Variants in KMT5B observed in about 807,000 individuals in gnomAD.
The protein encoded by KMT5B is histone-lysine N-methyltransferase KMT5B.
KMT5B carries 10 observed loss-of-function variants against 83.2 expected under a neutral mutation model. The ratio of observed to expected loss-of-function variants is 0.12; its 90% CI spans 0.07 to 0.20. The LOEUF is 0.20. KMT5B is among the 10% of genes least tolerant of loss of function. The pLI, the probability that KMT5B is intolerant of heterozygous loss-of-function variation, is 1.00. For missense variants in KMT5B, 753 were observed against 1,067.2 expected, an observed-to-expected ratio of 0.71 and a Z score of 4.10; for synonymous variants, 349 against 388.8, an observed-to-expected ratio of 0.90 and a Z score of 1.20.
At chr11:68,207,368 C>T (rs1260687758) in intron 1 of KMT5B, among the ~76,000 whole-genome samples, 1 of 152,162 alleles carries the variant, frequency 6.6e-6, no homozygotes, top group African/African-American at 2.4e-5. Flanking sequence ...AAGATACAAA[C>T]ATCACTGCCC....
intron 10 of KMT5B, among the ~76,000 whole-genome samples, chr11:68,163,638 T>G (rs1855046985): frequency 6.6e-6 from 1 of 152,208 alleles, no homozygotes; most frequent in Non-Finnish European, 1.5e-5. Flanking sequence ...GGGCCACAGC[T>G]GAGCATCTCC....
intron 10 of KMT5B, among the ~76,000 whole-genome samples, chr11:68,161,588 C>G (rs1402062298): frequency 1.3e-5 from 2 of 152,214 alleles, no homozygotes; most frequent in African/African-American, 2.4e-5. Flanking sequence ...CTTTGGTGAT[C>G]TGACAACTTC....
intron 3 of KMT5B, among the ~76,000 whole-genome samples, chr11:68,183,434 T>C (rs1227097683): frequency 6.6e-6 from 1 of 152,116 alleles, no homozygotes; most frequent in Non-Finnish European, 1.5e-5. Flanking sequence ...CCCAGCTCAC[T>C]GCAACTTCCA....
At chr11:68,202,392 C>T (rs1859548505) in intron 1 of KMT5B, among the ~76,000 whole-genome samples, 1 of 152,200 alleles carries the variant, frequency 6.6e-6, no homozygotes, top group South Asian at 2.1e-4. Context: ...CACTGCTCCT[C>T]AGTCCCTGCC....
Position 68,159,104 on chromosome 11 carries a change from A to G in KMT5B, c.1242T>C (p.Ser414=). 3 of 1,601,568 alleles carry G rather than the reference A, an allele frequency of 1.9e-6. No individual in the cohort carries two copies. The highest frequency in any genetic ancestry group is 2.5e-6 in the Non-Finnish European group (3 of 1,177,072). Residue 414 remains serine (S), a synonymous_variant, in exon 11 of 11, where the codon TCT becomes TCC. Transcript: ENST00000304363. ...NSKSRTLTRQ[S]MSRIPASSNS... ...TGGAAGAAGCTGGAATTCTTGACAT[A>G]GATTGCCTCGTTAACGTTCTGCTCT...
Position 68,193,920 on chromosome 11 carries a change from C to T in KMT5B, c.-76-3768G>A, listed in dbSNP as rs575382478. On this transcript the variant is annotated intron_variant, in intron 1 of 10. Transcript: ENST00000304363. ...GGCTCAAGCAATCCTCCACCTCAGC[C>T]TCCCAAAGTGTTAGGATTACCAGCA... Among the ~76,000 whole-genome samples the T allele has an allele frequency of 8.6e-5, 13 of 151,692 alleles. No homozygotes were observed. The East Asian group carries it at 2.5e-3, about 29-fold the overall frequency.
rs61890515 is a variant in KMT5B, at chr11:68,211,277, C to T, written c.-77+1861G>A. Among the ~76,000 whole-genome samples, 884 of 152,274 alleles carry T rather than the reference C, an allele frequency of 5.8e-3. 5 individuals carry two copies. The highest frequency in any genetic ancestry group is 9.0e-3 in the Non-Finnish European group (611 of 68,028). On this transcript the variant is annotated intron_variant, in intron 1 of 10. Coordinates refer to ENST00000304363, the MANE Select transcript of KMT5B (RefSeq NM_017635.5). ...CCTCCACCTTCCCCACTACTGTCCCCTGGCATTTGCTGCGAGAATAAAAAG... is the reference window on the plus strand; with the variant it reads ...CCTCCACCTTCCCCACTACTGTCCCTTGGCATTTGCTGCGAGAATAAAAAG...
chr11:68,196,271 C>T (rs183307192), intron 1 of KMT5B, among the ~76,000 whole-genome samples: 17 of 152,086 alleles, frequency 1.1e-4, no homozygotes, highest in Admixed American at 6.6e-4. Flanking sequence ...TGCCTAATTC[C>T]TTAAGTCCCA....
intron 3 of KMT5B, among the ~76,000 whole-genome samples, chr11:68,182,114 G>C (rs1856992212): frequency 6.6e-6 from 1 of 152,224 alleles, no homozygotes; most frequent in African/African-American, 2.4e-5. Context: ...GGCACTGGGT[G>C]CATTTTAACT....
intron 3 of KMT5B, among the ~76,000 whole-genome samples, chr11:68,183,018 G>C (rs1331221996): frequency 6.6e-6 from 1 of 152,070 alleles, no homozygotes; most frequent in African/African-American, 2.4e-5. Context: ...TTACAGGCGT[G>C]AGCCACCGCA....
In KMT5B at chr11:68,156,309, T is replaced by C. The variant is rs1019818760; in HGVS notation, c.*1379A>G. The stretch of plus-strand genomic sequence containing the variant: ...TATTCCCAAATTCTCTGTCCAATGA[T>C]TTGCAAAATAATCCAGAGAAATGAA... On this transcript the variant is annotated 3_prime_UTR_variant, in exon 11 of 11. Coordinates refer to ENST00000304363, the MANE Select transcript of KMT5B (RefSeq NM_017635.5). 6.6e-6 allele frequency: 1 copy of C among 152,570 alleles called. No individual in the cohort carries two copies. Among genetic ancestry groups the C allele is most frequent in the African/African-American group, 2.4e-5 (1 of 41,420 alleles). 9.5% of individuals were successfully genotyped at this position (152,570 alleles called of 1,614,324 possible). A position where few individuals can be genotyped will look rare whatever the true frequency, so the allele number is the denominator to read the frequency against.
chr11:68,179,783 T>A, intron 4 of KMT5B: 1 of 489,236 alleles, frequency 2.0e-6, no homozygotes, highest in Non-Finnish European at 3.1e-6. Context: ...CCACAGTTTG[T>A]AGACGCTGAG....
intron 3 of KMT5B, among the ~76,000 whole-genome samples, chr11:68,182,212 A>AG (rs1857001200): frequency 6.6e-6 from 1 of 152,188 alleles, no homozygotes; most frequent in Non-Finnish European, 1.5e-5. Context: ...GTTTTACGTG[A>AG]GCCCTAGGAA....
intron 1 of KMT5B, among the ~76,000 whole-genome samples, chr11:68,200,741 A>C (rs1179014100): frequency 6.6e-6 from 1 of 152,236 alleles, no homozygotes; most frequent in Non-Finnish European, 1.5e-5. Context: ...AGTAATACAG[A>C]TGATCTGAGT....
At chr11:68,204,611 GT>G (rs34315868) in intron 1 of KMT5B, among the ~76,000 whole-genome samples, 1,161 of 106,080 alleles carry the variant, frequency 0.011, 11 homozygotes, top group African/African-American at 0.035. Flanking sequence ...TAAATTTCCG[GT>G]TTTTTTTTTT....
At chr11:68,208,669 G>C (rs551676399) in intron 1 of KMT5B, among the ~76,000 whole-genome samples, 3 of 152,186 alleles carry the variant, frequency 2.0e-5, no homozygotes, top group African/African-American at 7.2e-5. Flanking sequence ...GGGATGATCA[G>C]GGAAATATAA....
intron 2 of KMT5B, among the ~76,000 whole-genome samples, chr11:68,187,374 A>T (rs1485335487): frequency 6.6e-6 from 1 of 152,086 alleles, no homozygotes; most frequent in Non-Finnish European, 1.5e-5. Flanking sequence ...TGTAAGTTTT[A>T]GTATGTTTTA....
chr11:68,187,425 T>C (rs1300109458), intron 2 of KMT5B, among the ~76,000 whole-genome samples: 1 of 152,252 alleles, frequency 6.6e-6, no homozygotes, highest in South Asian at 2.1e-4. Flanking sequence ...CTGATTTCCT[T>C]TTTGATTTCT....
intron 1 of KMT5B, chr11:68,212,842 G>A (rs987591687): frequency 6.6e-6 from 1 of 151,630 alleles, no homozygotes; most frequent in African/African-American, 2.4e-5. Flanking sequence ...CCAATCGCGA[G>A]CGGCGGGGCT....
Sources: allele counts gnomAD v4.1 joint callset (sites outside exome capture counted in the v4.1 genomes callset), GRCh38; gene constraint gnomAD v4.1.1; transcripts MANE v1.5; gene names NCBI Gene and HGNC (gene_info 2026-07-23, HGNC 2026-07-21).